Variants in BLTP3B observed in about 807,000 individuals in gnomAD.
BLTP3B encodes the protein UHRF1 (ICBP90) binding protein 1-like.
chr12:100,112,539 C>T, the BLTP3B span, among the ~76,000 whole-genome samples: 2 of 151,520 alleles, frequency 1.3e-5, no homozygotes, highest in East Asian at 3.9e-4. Flanking sequence ...TAGCTAACAA[C>T]AGCAATAAAA....
chr12:100,066,036 A>G, the BLTP3B span, among the ~76,000 whole-genome samples: 1 of 152,112 alleles, frequency 6.6e-6, no homozygotes, highest in African/African-American at 2.4e-5. Context: ...TATTTCTCAG[A>G]TTGGCCGACA....
At chr12:100,111,143 C>T in the BLTP3B span, among the ~76,000 whole-genome samples, 3,314 of 151,966 alleles carry the variant, frequency 0.022, 45 homozygotes, top group Middle Eastern at 0.048. Flanking sequence ...ATATATGTTG[C>T]CAGTCTTATA....
At chr12:100,038,592 T>C in the BLTP3B span, among the ~76,000 whole-genome samples, 1 of 152,176 alleles carries the variant, frequency 6.6e-6, no homozygotes, top group African/African-American at 2.4e-5. Flanking sequence ...CGCCTTGGCC[T>C]CCCAAAGTGC....
At chr12:100,126,992 T>C in the BLTP3B span, among the ~76,000 whole-genome samples, 2 of 151,728 alleles carry the variant, frequency 1.3e-5, no homozygotes, top group African/African-American at 2.4e-5. Context: ...AATAAACACA[T>C]GGATAGCTGT....
the BLTP3B span, among the ~76,000 whole-genome samples, chr12:100,064,929 T>C: frequency 1.4e-5 from 2 of 146,338 alleles, no homozygotes; most frequent in East Asian, 2.0e-4. Context: ...AAGCAACGAA[T>C]AGCATGATGA....
chr12:100,100,557 A>G, the BLTP3B span, among the ~76,000 whole-genome samples: 2 of 151,902 alleles, frequency 1.3e-5, no homozygotes, highest in Non-Finnish European at 2.9e-5. Flanking sequence ...CAAAAAATAC[A>G]AAAAACTAGC....
the BLTP3B span, among the ~76,000 whole-genome samples, chr12:100,099,309 T>C: frequency 6.7e-6 from 1 of 150,336 alleles, no homozygotes; most frequent in Non-Finnish European, 1.5e-5. Flanking sequence ...ATTTTTATAT[T>C]GAAAAAATAA....
the BLTP3B span, among the ~76,000 whole-genome samples, chr12:100,067,937 C>T: frequency 2.0e-4 from 31 of 152,104 alleles, no homozygotes; most frequent in African/African-American, 7.0e-4. Flanking sequence ...AAGCAATTTA[C>T]AAATTCAATG....
the BLTP3B span, among the ~76,000 whole-genome samples, chr12:100,085,522 G>GA: frequency 1.2e-3 from 174 of 149,664 alleles, no homozygotes; most frequent in African/African-American, 3.6e-3. Context: ...AATTTAAAAT[G>GA]AAAAAAAAAT....
the BLTP3B span, among the ~76,000 whole-genome samples, chr12:100,049,005 CTTAT>C: frequency 3.3e-5 from 5 of 152,052 alleles, no homozygotes; most frequent in East Asian, 5.8e-4. Flanking sequence ...AACCATTTTG[CTTAT>C]TTGTTTTATG....
chr12:100,122,738 A>G, the BLTP3B span, among the ~76,000 whole-genome samples: 1 of 152,096 alleles, frequency 6.6e-6, no homozygotes, highest in Non-Finnish European at 1.5e-5. Context: ...CACAAATCCC[A>G]CATGTCCCAT....
chr12:100,134,123 A>G, the BLTP3B span, among the ~76,000 whole-genome samples: 1 of 150,102 alleles, frequency 6.7e-6, no homozygotes, highest in Non-Finnish European at 1.5e-5. Context: ...CATGTACTTA[A>G]AAGGATAAAA....
the BLTP3B span, among the ~76,000 whole-genome samples, chr12:100,129,986 T>A: frequency 1.3e-5 from 2 of 152,224 alleles, no homozygotes; most frequent in Admixed American, 6.5e-5. Context: ...GGATGGAGTC[T>A]AACTCTGTTG....
At chr12:100,050,997 T>C in the BLTP3B span, 1 of 1,544,532 alleles carries the variant, frequency 6.5e-7, no homozygotes, top group African/African-American at 1.4e-5. Context: ...TATATATGAA[T>C]GTCTCAAAAT....
chr12:100,142,472 G>C, the BLTP3B span: 53 of 1,107,206 alleles, frequency 4.8e-5, no homozygotes, highest in Non-Finnish European at 6.6e-5. Context: ...CCAGAGCGGG[G>C]AAGTCCGAAG....
At chr12:100,123,861 A>C in the BLTP3B span, among the ~76,000 whole-genome samples, 1 of 152,150 alleles carries the variant, frequency 6.6e-6, no homozygotes, top group South Asian at 2.1e-4. Context: ...CAGTTTTTCC[A>C]AATAAACATT....
the BLTP3B span, chr12:100,097,467 T>A: frequency 6.2e-7 from 1 of 1,612,778 alleles, no homozygotes; most frequent in Non-Finnish European, 8.5e-7. Context: ...CTGCCTCTAT[T>A]CTTATCATCT....
chr12:100,050,151 T>TAA, the BLTP3B span: 282 of 1,174,774 alleles, frequency 2.4e-4, no homozygotes, highest in South Asian at 1.1e-3. Context: ...GAAAAATAAT[T>TAA]AAAAAAAAAA....
the BLTP3B span, among the ~76,000 whole-genome samples, chr12:100,140,545 A>C: frequency 6.6e-6 from 1 of 150,990 alleles, no homozygotes; most frequent in Non-Finnish European, 1.5e-5. Flanking sequence ...GTCTCTACTA[A>C]AAATACAAAA....
Sources: gnomAD v4.1 joint callset for allele counts (sites outside exome capture counted in the v4.1 genomes callset) on GRCh38, gnomAD v4.1.1 for gene constraint, MANE v1.5 for transcripts, NCBI Gene and HGNC (gene_info 2026-07-23, HGNC 2026-07-21) for gene names.